PTPRJ: variants seen among roughly 807,000 people sequenced by gnomAD.
PTPRJ encodes the protein protein tyrosine phosphatase receptor type J, also known as receptor-type tyrosine-protein phosphatase eta.
A neutral mutation model predicts 141.3 loss-of-function variants in PTPRJ; 129 were observed. The ratio of observed to expected loss-of-function variants is 0.91; its 90% CI spans 0.79 to 1.06. The LOEUF is 1.06. Among genes scored for constraint, PTPRJ ranks in the 50% least tolerant of loss-of-function variants. PTPRJ has a pLI of 0.00. For missense variants in PTPRJ, 1,601 were observed against 1,679.7 expected (o/e 0.95, Z 0.82); for synonymous variants, 610 against 640.5 (o/e 0.95, Z 0.72).
At chr11:48,010,338 C>T (rs896940413) in intron 1 of PTPRJ, among the ~76,000 whole-genome samples, 24 of 151,670 alleles carry the variant, frequency 1.6e-4, no homozygotes, top group African/African-American at 2.7e-4. Flanking sequence ...CCACCACGCC[C>T]GGCTTATTTT....
chr11:48,159,839 C>CCA (rs1857719138), intron 21 of PTPRJ, 91 bp from the exon 22 acceptor site: 1 of 1,506,078 alleles, frequency 6.6e-7, no homozygotes, highest in Non-Finnish European at 9.1e-7. Context: ...TCTCTGATGC[C>CCA]AGTTTTCAAT....
chr11:48,046,904 ATATATATATTTTTTTT>A (rs1236393325), intron 1 of PTPRJ, among the ~76,000 whole-genome samples: 63 of 93,082 alleles, frequency 6.8e-4, no homozygotes, highest in African/African-American at 2.9e-3. Context: ...ATATATATAT[ATATATATATTTTTTTT>A]TTTTTTTTTT....
intron 1 of PTPRJ, among the ~76,000 whole-genome samples, chr11:48,067,330 G>A (rs1204069548): frequency 3.3e-5 from 5 of 152,300 alleles, no homozygotes; most frequent in African/African-American, 9.6e-5. Context: ...AAGCAATGCC[G>A]CTGCCAATGG....
intron 1 of PTPRJ, among the ~76,000 whole-genome samples, chr11:48,060,519 G>C (rs531575406): frequency 6.6e-6 from 1 of 152,172 alleles, no homozygotes; most frequent in Non-Finnish European, 1.5e-5. Flanking sequence ...CGCACAGTTG[G>C]AAAGATGCAG....
At chr11:48,049,928 G>C (rs550014400) in intron 1 of PTPRJ, among the ~76,000 whole-genome samples, 1 of 152,142 alleles carries the variant, frequency 6.6e-6, no homozygotes, top group African/African-American at 2.4e-5. Flanking sequence ...TGGAAGCTTG[G>C]GGGAAAAATC....
intron 8 of PTPRJ, among the ~76,000 whole-genome samples, chr11:48,135,798 A>C (rs1857087907): frequency 6.6e-6 from 1 of 152,166 alleles, no homozygotes; most frequent in African/African-American, 2.4e-5. Flanking sequence ...TTTTTAAGAC[A>C]ACAACAAAAA....
At chr11:48,003,649 C>G (rs1456309810) in intron 1 of PTPRJ, among the ~76,000 whole-genome samples, 2 of 152,108 alleles carry the variant, frequency 1.3e-5, no homozygotes, top group Non-Finnish European at 2.9e-5. Context: ...GCACCCACCA[C>G]CATGCCCAGC....
rs60389100 is a variant in PTPRJ, at chr11:48,159,161, G to GTGTGTGTGTGTGTGTGTGTTTA, written c.3439-769_3439-768insTGTGTGTGTGTGTGTGTGTTTA. On this transcript the variant is annotated intron_variant, in intron 21 of 24. Coordinates refer to ENST00000418331, the MANE Select transcript of PTPRJ (RefSeq NM_002843.4). Reference sequence around the variant, plus strand: ...TGTGTGTGTGTGTGTGTGTGTGTGTGGTCATTTGCCAAATGGGTATTCAGA... The same window carrying GTGTGTGTGTGTGTGTGTGTTTA: ...TGTGTGTGTGTGTGTGTGTGTGTGTGTGTGTGTGTGTGTGTGTGTTTAGTCATTTGCCAAATGGGTATTCAGA... Among the ~76,000 whole-genome samples, 134 of 130,622 alleles carry GTGTGTGTGTGTGTGTGTGTTTA rather than the reference G, an allele frequency of 1.0e-3. 2 individuals are homozygous for GTGTGTGTGTGTGTGTGTGTTTA. The highest frequency in any genetic ancestry group is 3.9e-3 in the Middle Eastern group (1 of 258). 85.7% of individuals were successfully genotyped at this position (130,622 alleles called of 152,430 possible). A position where few individuals can be genotyped will look rare whatever the true frequency, so the allele number is the denominator to read the frequency against.
intron 1 of PTPRJ, among the ~76,000 whole-genome samples, chr11:48,068,744 C>G (rs1303085488): frequency 2.0e-5 from 3 of 152,180 alleles, no homozygotes; most frequent in African/African-American, 4.8e-5. Flanking sequence ...ATGGTCCATG[C>G]ACGGAATCTG....
chr11:48,089,956 G>T (rs959874808), intron 1 of PTPRJ, among the ~76,000 whole-genome samples: 2 of 152,188 alleles, frequency 1.3e-5, no homozygotes, highest in Non-Finnish European at 1.5e-5. Context: ...CTGTCATAAG[G>T]ATTTAATGAA....
intron 1 of PTPRJ, among the ~76,000 whole-genome samples, chr11:48,073,959 G>C (rs1855332683): frequency 1.3e-5 from 2 of 152,076 alleles, no homozygotes; most frequent in Admixed American, 6.5e-5. Flanking sequence ...AAAAACCATA[G>C]TTTATAATTT....
In PTPRJ at chr11:48,104,099, A is replaced by G. The variant is rs142142464; in HGVS notation, c.97-5959A>G. Among the ~76,000 whole-genome samples, 44 of 152,278 alleles carry G rather than the reference A, an allele frequency of 2.9e-4. 1 individual carries two copies. Among genetic ancestry groups the G allele is most frequent in the South Asian group, 2.3e-3 (11 of 4,820 alleles). ...GAGGCAGGGAAGCCGGCCTGTTCTC[A>G]TCTTGCTGTGCCTGATGCCTTGTGC... On this transcript the variant is annotated intron_variant, in intron 1 of 24. Transcript: ENST00000418331.
At chr11:47,987,596 G>A (rs953999802) in intron 1 of PTPRJ, among the ~76,000 whole-genome samples, 1 of 152,212 alleles carries the variant, frequency 6.6e-6, no homozygotes, top group Non-Finnish European at 1.5e-5. Context: ...TTCAGAGAAA[G>A]GGCTGCCACT....
At chr11:48,139,137 A>G (rs534550471) in intron 10 of PTPRJ, among the ~76,000 whole-genome samples, 11 of 152,310 alleles carry the variant, frequency 7.2e-5, no homozygotes, top group Admixed American at 5.2e-4. Flanking sequence ...CGTCTCAAAA[A>G]AAAAAGGGGG....
At chr11:48,064,340 A>G (rs1855019454) in intron 1 of PTPRJ, among the ~76,000 whole-genome samples, 1 of 152,098 alleles carries the variant, frequency 6.6e-6, no homozygotes, top group Non-Finnish European at 1.5e-5. Flanking sequence ...CCTAAGGGCT[A>G]GGTTGGTTCA....
At chr11:48,159,529 T>C (rs1200679245) in intron 21 of PTPRJ, among the ~76,000 whole-genome samples, 1 of 152,196 alleles carries the variant, frequency 6.6e-6, no homozygotes. Flanking sequence ...ATCTGATTTT[T>C]AAAGAGAAAA....
chr11:48,091,725 G>T (rs934057799), intron 1 of PTPRJ, among the ~76,000 whole-genome samples: 3 of 152,194 alleles, frequency 2.0e-5, no homozygotes, highest in Non-Finnish European at 4.4e-5. Flanking sequence ...AAGACTAAGT[G>T]AACCAACAAG....
intron 19 of PTPRJ, among the ~76,000 whole-genome samples, chr11:48,155,176 A>T (rs991747922): frequency 1.0e-3 from 155 of 152,310 alleles, no homozygotes; most frequent in African/African-American, 3.6e-3. Context: ...CCTCCTACTC[A>T]TAGTAGTCTT....
At chr11:47,993,919 C>A (rs1039583142) in intron 1 of PTPRJ, among the ~76,000 whole-genome samples, 2 of 151,650 alleles carry the variant, frequency 1.3e-5, no homozygotes, top group Non-Finnish European at 2.9e-5. Context: ...AGCTCTGCCT[C>A]CCGGGTTCAA....
Sources: allele counts gnomAD v4.1 joint callset (sites outside exome capture counted in the v4.1 genomes callset), GRCh38; gene constraint gnomAD v4.1.1; transcripts MANE v1.5; gene names NCBI Gene and HGNC (gene_info 2026-07-23, HGNC 2026-07-21).